PTPN3: variants seen among roughly 807,000 people sequenced by gnomAD.
PTPN3 encodes protein tyrosine phosphatase non-receptor type 3, also known as tyrosine-protein phosphatase non-receptor type 3.
A neutral mutation model predicts 132.7 loss-of-function variants in PTPN3; 96 were observed. The observed-to-expected ratio is 0.72, with a 90% CI of 0.61 to 0.86. The LOEUF (loss-of-function observed/expected upper bound fraction) is 0.86, where lower values mean the gene tolerates loss of function less well. PTPN3 is among the 40% of genes least tolerant of loss of function. PTPN3 has a pLI of 0.00. For synonymous variants in PTPN3, 398 were observed against 429.0 expected (o/e 0.93, Z 0.89); for missense variants, 1,125 against 1,159.6 (o/e 0.97, Z 0.43).
In PTPN3 at chr9:109,401,536, T is replaced by C. The variant is rs535955446; in HGVS notation, c.1953+2912A>G. Among the ~76,000 whole-genome samples, 3 of 152,352 alleles carry C rather than the reference T, an allele frequency of 2.0e-5. No individual in the cohort carries two copies. In the South Asian group the frequency reaches 6.2e-4, roughly 32 times the overall value. The stretch of plus-strand genomic sequence containing the variant: ...AGGGAAATCACCTGTGGGATTCCCA[T>C]ATGTAAAACACACCTCAAATTGGAG... On this transcript the variant is annotated intron_variant, in intron 19 of 25. Transcript: ENST00000374541.
At chr9:109,386,060 C>T (rs1051777816) in intron 22 of PTPN3, among the ~76,000 whole-genome samples, 1 of 152,202 alleles carries the variant, frequency 6.6e-6, no homozygotes, top group Non-Finnish European at 1.5e-5. Flanking sequence ...ATGGGACATA[C>T]TGAAAATTTC....
At chr9:109,427,667 T>C (rs1335501615) in intron 11 of PTPN3, among the ~76,000 whole-genome samples, 1 of 152,268 alleles carries the variant, frequency 6.6e-6, no homozygotes, top group East Asian at 1.9e-4. Flanking sequence ...TGCCGTCTTA[T>C]ACATTTTTGT....
chr9:109,404,410 C>T lies in PTPN3; in HGVS notation c.1953+38G>A, dbSNP rs764459797. 28 of 1,339,286 alleles carry T rather than the reference C, an allele frequency of 2.1e-5. No individual in the cohort carries two copies. In the East Asian group the frequency reaches 5.0e-4, roughly 24 times the overall value. 83.0% of individuals were successfully genotyped at this position (1,339,286 alleles called of 1,614,324 possible). The stretch of plus-strand genomic sequence containing the variant: ...TCAGAGGCAGGGGCAGCCCAATAGG[C>T]GACATGGCAGTGGGATTCAGCCTCC... On this transcript the variant is annotated intron_variant, in intron 19 of 25. Transcript: ENST00000374541.
chr9:109,428,821 G>A lies in PTPN3; in HGVS notation c.765-137C>T. On this transcript the variant is annotated intron_variant, in intron 10 of 25. Transcript: ENST00000374541. ...TTGGCTGCCTAGAGTTTACTTCTCT[G>A]TAGAAATGATGGCAGCCCCACTGCC... is the stretch of plus-strand genomic sequence containing the variant. 3.5e-6 allele frequency: 5 copies of A among 1,431,698 alleles called. No individual in the cohort carries two copies. The Admixed American group carries it at 1.4e-4, about 39-fold the overall frequency. The allele number at this position is 1,431,698 out of a possible 1,614,324, so 88.7% of individuals were successfully genotyped here.
chr9:109,391,433 G>T (rs372499736), intron 20 of PTPN3, 38 bp downstream of exon 20: 337 of 1,555,560 alleles, frequency 2.2e-4, no homozygotes, highest in Non-Finnish European at 2.8e-4. Context: ...CATTATCTCA[G>T]TGTAGGGGGG....
At chr9:109,466,503 A>T (rs1199670635) in intron 1 of PTPN3, among the ~76,000 whole-genome samples, 5 of 152,150 alleles carry the variant, frequency 3.3e-5, no homozygotes, top group African/African-American at 1.2e-4. Context: ...GAAAAGAAAG[A>T]AGGAATGCAG....
intron 14 of PTPN3, among the ~76,000 whole-genome samples, chr9:109,415,121 T>TCCAC (rs1842394907): frequency 6.6e-6 from 1 of 150,706 alleles, no homozygotes; most frequent in Non-Finnish European, 1.5e-5. Flanking sequence ...CATCCATCCA[T>TCCAC]CCATCCAAAT....
chr9:109,482,450 C>A (rs1006241517), intron 1 of PTPN3, among the ~76,000 whole-genome samples: 6 of 151,974 alleles, frequency 3.9e-5, no homozygotes, highest in African/African-American at 1.2e-4. Context: ...GACAAAAAAA[C>A]CCCACATGTG....
chr9:109,505,043 A>T, the PTPN3 span, among the ~76,000 whole-genome samples: 1 of 152,340 alleles, frequency 6.6e-6, no homozygotes, highest in East Asian at 1.9e-4. Flanking sequence ...TTGAAAAACC[A>T]GCAGTGATGA....
intron 1 of PTPN3, among the ~76,000 whole-genome samples, chr9:109,467,024 A>T (rs1846132705): frequency 6.6e-6 from 1 of 152,284 alleles, no homozygotes; most frequent in East Asian, 1.9e-4. Context: ...CTAATAAAAA[A>T]AAAACTTCCT....
At chr9:109,467,878 C>T (rs1846177189) in intron 1 of PTPN3, among the ~76,000 whole-genome samples, 1 of 152,176 alleles carries the variant, frequency 6.6e-6, no homozygotes. Context: ...CCCTTTCTCA[C>T]ACCCATCTCT....
intron 1 of PTPN3, among the ~76,000 whole-genome samples, chr9:109,471,180 C>T (rs1313536322): frequency 2.6e-5 from 4 of 152,036 alleles, no homozygotes. Context: ...CCTCAGCCTC[C>T]CGAGTAGCTG....
upstream of PTPN3, among the ~76,000 whole-genome samples, chr9:109,499,019 T>C (rs939653148): frequency 6.6e-6 from 1 of 152,076 alleles, no homozygotes; most frequent in African/African-American, 2.4e-5. Flanking sequence ...GTTTTCTTCA[T>C]AGCATTTAAC....
chr9:109,446,211 C>T (rs1009770603), intron 6 of PTPN3, among the ~76,000 whole-genome samples: 1 of 152,206 alleles, frequency 6.6e-6, no homozygotes. Context: ...AACAGCAACA[C>T]TGGGAGCCAC....
intron 1 of PTPN3, among the ~76,000 whole-genome samples, chr9:109,495,290 C>T (rs559392146): frequency 1.3e-5 from 2 of 152,286 alleles, no homozygotes; most frequent in African/African-American, 2.4e-5. Context: ...TTTCCAGGAC[C>T]GCAATGCTGG....
chr9:109,397,200 G>A (rs1386866095), intron 19 of PTPN3, among the ~76,000 whole-genome samples: 1 of 152,198 alleles, frequency 6.6e-6, no homozygotes. Flanking sequence ...GTTTCAAAAT[G>A]GCTGTTTGCT....
chr9:109,454,926 G>C (rs986128806), intron 4 of PTPN3, among the ~76,000 whole-genome samples: 1 of 152,154 alleles, frequency 6.6e-6, no homozygotes, highest in Non-Finnish European at 1.5e-5. Flanking sequence ...AATAGCCTGC[G>C]TTTGTGTAGC....
chr9:109,502,637 A>T (rs1564495023), upstream of PTPN3, among the ~76,000 whole-genome samples: 1 of 152,060 alleles, frequency 6.6e-6, no homozygotes, highest in African/African-American at 2.4e-5. Context: ...CTCTACAAAT[A>T]AGAAAAAAAT....
chr9:109,486,785 G>T (rs970923746), intron 1 of PTPN3, among the ~76,000 whole-genome samples: 3 of 152,112 alleles, frequency 2.0e-5, no homozygotes, highest in African/African-American at 7.2e-5. Flanking sequence ...CAGGTGGGAG[G>T]TAACTGAATC....
Sources: gnomAD v4.1 joint callset for allele counts (sites outside exome capture counted in the v4.1 genomes callset) on GRCh38, gnomAD v4.1.1 for gene constraint, MANE v1.5 for transcripts, NCBI Gene and HGNC (gene_info 2026-07-23, HGNC 2026-07-21) for gene names.